TENM4: variants seen among roughly 807,000 people sequenced by gnomAD.
TENM4 encodes the protein teneurin transmembrane protein 4.
TENM4 carries 82 observed loss-of-function variants against 243.3 expected under a neutral mutation model. The observed-to-expected ratio is 0.34, with a 90% confidence interval of 0.28 to 0.40. TENM4 has a LOEUF of 0.40. TENM4 is among the 10% of genes least tolerant of loss of function. The pLI, the probability that TENM4 is intolerant of heterozygous loss-of-function variation, is 1.00. For missense variants in TENM4, 3,138 were observed against 3,673.3 expected, an observed-to-expected ratio of 0.85 and a Z score of 3.77; for synonymous variants, 1,412 against 1,456.3, an observed-to-expected ratio of 0.97 and a Z score of 0.69.
intron 2 of TENM4, among the ~76,000 whole-genome samples, chr11:79,271,714 C>T (rs370763482): frequency 3.3e-5 from 5 of 152,212 alleles, no homozygotes; most frequent in African/African-American, 1.2e-4. Context: ...GCTCTTCAGC[C>T]CACCTACTCC....
chr11:78,785,062 T>C lies in TENM4; in HGVS notation c.2365+1836A>G, dbSNP rs12807794. Among the ~76,000 whole-genome samples, 407 of 136,992 alleles carry C rather than the reference T, an allele frequency of 3.0e-3. 3 individuals carry two copies. Among genetic ancestry groups the C allele is most frequent in the African/African-American group, 0.01 (398 of 39,466 alleles). The allele number at this position is 136,992 out of a possible 152,430, so 89.9% of individuals were successfully genotyped here. A position where few individuals can be genotyped will look rare whatever the true frequency, so the allele number is the denominator to read the frequency against. ...TTTTTTGTTTCTGTTTTTGTTTTTT[T>C]TTTTTGTTTTTGTTTTTTAGATAGG... On this transcript the variant is annotated intron_variant, in intron 16 of 33. Coordinates refer to ENST00000278550, the MANE Select transcript of TENM4 (RefSeq NM_001098816.3).
chr11:79,047,731 T>A (rs1360357506), intron 6 of TENM4, among the ~76,000 whole-genome samples: 3 of 152,158 alleles, frequency 2.0e-5, no homozygotes, highest in Admixed American at 2.0e-4. Context: ...TGTGTTTGAA[T>A]TCAGCCTTAT....
At chr11:79,028,181 G>T (rs1456909733) in intron 6 of TENM4, among the ~76,000 whole-genome samples, 3 of 152,062 alleles carry the variant, frequency 2.0e-5, no homozygotes, top group African/African-American at 7.2e-5. Context: ...AAAGATTTAG[G>T]GAGAAGATAA....
intron 6 of TENM4, among the ~76,000 whole-genome samples, chr11:78,919,027 G>A (rs1269055278): frequency 1.3e-5 from 2 of 152,154 alleles, no homozygotes; most frequent in African/African-American, 4.8e-5. Flanking sequence ...AAGCTTAAAT[G>A]AGAGAAAGTG....
chr11:78,845,693 G>A (rs1383179570), intron 12 of TENM4, among the ~76,000 whole-genome samples: 1 of 151,906 alleles, frequency 6.6e-6, no homozygotes, highest in Non-Finnish European at 1.5e-5. Context: ...CACTATGTGA[G>A]AACCCTCTCA....
chr11:79,244,916 C>G (rs1468798678), intron 2 of TENM4, among the ~76,000 whole-genome samples: 1 of 152,184 alleles, frequency 6.6e-6, no homozygotes, highest in Non-Finnish European at 1.5e-5. Flanking sequence ...GAAAATGCTT[C>G]TTTAATGGTG....
chr11:79,362,898 T>C (rs57417990), intron 1 of TENM4, among the ~76,000 whole-genome samples: 1,650 of 152,344 alleles, frequency 0.011, 28 homozygotes, highest in African/African-American at 0.038. Flanking sequence ...TTTTCTGGTG[T>C]GGCCCACCTT....
intron 4 of TENM4, among the ~76,000 whole-genome samples, chr11:79,092,386 A>G (rs1860980070): frequency 6.6e-6 from 1 of 152,112 alleles, no homozygotes; most frequent in Admixed American, 6.5e-5. Flanking sequence ...TTCCCAGTAG[A>G]TCTTCCATTC....
chr11:79,018,146 A>T (rs1180111107), intron 6 of TENM4, among the ~76,000 whole-genome samples: 1 of 152,096 alleles, frequency 6.6e-6, no homozygotes, highest in Non-Finnish European at 1.5e-5. Flanking sequence ...GGACCTCTTA[A>T]TCCTAGATGT....
intron 2 of TENM4, among the ~76,000 whole-genome samples, chr11:79,218,243 C>CCA (rs1163575964): frequency 7.0e-6 from 1 of 143,424 alleles, no homozygotes; most frequent in Admixed American, 7.1e-5. Context: ...CACCCACCCC[C>CCA]GACACACACA....
At chr11:78,883,269 C>T (rs1428797602) in intron 9 of TENM4, among the ~76,000 whole-genome samples, 2 of 148,696 alleles carry the variant, frequency 1.3e-5, no homozygotes, top group East Asian at 3.9e-4. Flanking sequence ...CGTTTTTCAA[C>T]ATCATCTCAT....
intron 1 of TENM4, among the ~76,000 whole-genome samples, chr11:79,345,389 A>G (rs1857309492): frequency 6.6e-6 from 1 of 152,196 alleles, no homozygotes; most frequent in African/African-American, 2.4e-5. Flanking sequence ...TTTCCATGCT[A>G]CTAGTGTCAT....
At chr11:79,358,939 A>G (rs1459209624) in intron 1 of TENM4, among the ~76,000 whole-genome samples, 2 of 140,158 alleles carry the variant, frequency 1.4e-5, no homozygotes, top group Non-Finnish European at 3.0e-5. Context: ...CTTTTTTTTA[A>G]GTAAAAAGGC....
At chr11:78,675,639 G>A (rs1466464623) in intron 30 of TENM4, among the ~76,000 whole-genome samples, 1 of 152,230 alleles carries the variant, frequency 6.6e-6, no homozygotes, top group African/African-American at 2.4e-5. Flanking sequence ...GATGGCTCGG[G>A]TGAGGTCATT....
rs569112446 is a variant in TENM4, at chr11:78,787,199, G to C, written c.2180-116C>G. On this transcript the variant is annotated intron_variant, in intron 15 of 33. Transcript: ENST00000278550. ...ACAAGTATTGAGCAAGTTATTGTTGGAAACCAAAGTCACACTTGGCTACAT... is the reference window on the plus strand; with the variant it reads ...ACAAGTATTGAGCAAGTTATTGTTGCAAACCAAAGTCACACTTGGCTACAT... 8 of 1,246,574 alleles carry C rather than the reference G, an allele frequency of 6.4e-6. No individual in the cohort carries two copies. The South Asian group carries it at 1.3e-4, about 20-fold the overall frequency. 77.2% of individuals were successfully genotyped at this position (1,246,574 alleles called of 1,614,324 possible).
At chr11:78,714,520 G>C (rs1455331273) in intron 25 of TENM4, among the ~76,000 whole-genome samples, 1 of 150,118 alleles carries the variant, frequency 6.7e-6, no homozygotes, top group Non-Finnish European at 1.5e-5. Context: ...CTCTCCGCCT[G>C]TAGCCTGGGT....
chr11:79,003,481 T>C (rs1000550368), intron 6 of TENM4, among the ~76,000 whole-genome samples: 2 of 152,118 alleles, frequency 1.3e-5, no homozygotes, highest in South Asian at 4.1e-4. Flanking sequence ...AAGCCTGAAA[T>C]TGGGGGCCTA....
chr11:78,706,456 G>A (rs984284350), intron 27 of TENM4, among the ~76,000 whole-genome samples: 2 of 152,104 alleles, frequency 1.3e-5, no homozygotes, highest in African/African-American at 4.8e-5. Context: ...TGCTCCCCAT[G>A]GGGCAGCGGA....
At chr11:79,165,553 G>A (rs1176471473) in intron 3 of TENM4, among the ~76,000 whole-genome samples, 3 of 152,120 alleles carry the variant, frequency 2.0e-5, no homozygotes, top group Non-Finnish European at 4.4e-5. Flanking sequence ...GTCCTTTGTA[G>A]GATGTATAGT....
Sources: gnomAD v4.1 joint callset for allele counts (sites outside exome capture counted in the v4.1 genomes callset) on GRCh38, gnomAD v4.1.1 for gene constraint, MANE v1.5 for transcripts, NCBI Gene and HGNC (gene_info 2026-07-23, HGNC 2026-07-21) for gene names.